LRRC17: variants seen among roughly 807,000 people sequenced by gnomAD.
LRRC17 encodes the protein leucine rich repeat containing 17.
A neutral mutation model predicts 41.5 loss-of-function variants in LRRC17; 33 were observed. The observed-to-expected ratio is 0.80, with a 90% CI of 0.60 to 1.06. The LOEUF (loss-of-function observed/expected upper bound fraction) is 1.06, where lower values mean the gene tolerates loss of function less well. Ranked by LOEUF, LRRC17 falls within the 50% of genes least tolerant of loss-of-function variation. The pLI is 0.00. For synonymous variants in LRRC17, 192 were observed against 197.0 expected (o/e 0.97, Z 0.21); for missense variants, 491 against 519.3 (o/e 0.95, Z 0.53).
At position 102,944,462 on chromosome 7, in the gene LRRC17, G is replaced by T. The variant is rs1478823142; in HGVS notation, c.1181G>T (p.Arg394Ile). Residue 394 changes from arginine to isoleucine, a missense_variant, in exon 4 of 4, where the codon AGA becomes ATA. Coordinates refer to ENST00000339431, the MANE Select transcript of LRRC17 (RefSeq NM_001031692.3). The stretch of plus-strand genomic sequence containing the variant: ...GGATGGTCTGTGGGAAAATATATTA[G>T]AAGTTACTATGAAGAATGCCCCAAA... ...YKGWSVGKYIRSYYEECPKDK... is the reference protein window; with the variant it reads ...YKGWSVGKYIISYYEECPKDK... 1 of 1,613,970 alleles carries T rather than the reference G, an allele frequency of 6.2e-7. No homozygotes were observed.
intron 1 of LRRC17, among the ~76,000 whole-genome samples, chr7:102,919,424 T>C (rs1383063611): frequency 1.3e-5 from 2 of 152,166 alleles, no homozygotes; most frequent in East Asian, 3.8e-4. Context: ...CATTGAAGCA[T>C]TAAGAATAAA....
At position 102,934,558 on chromosome 7, in the gene LRRC17, AG is replaced by A. The variant is rs869310099; in HGVS notation, c.646del (p.Glu216LysfsTer44). ...IKSEQLCNEE[E>X]KEQLDPKPQV... ...AATCTGAACAGTTGTGTAATGAAGA[AG>A]AAAAGGAACAATTGGACCCGAAACC... On this transcript the variant is annotated frameshift_variant, in exon 2 of 4. Coordinates refer to ENST00000339431, the MANE Select transcript of LRRC17 (RefSeq NM_001031692.3). LOFTEE classifies it high-confidence loss of function. 6.2e-7 allele frequency: 1 copy of A among 1,613,460 alleles called. No individual in the cohort carries two copies. Among genetic ancestry groups the A allele is most frequent in the Non-Finnish European group, 8.5e-7 (1 of 1,179,466 alleles).
Position 102,931,986 on chromosome 7 carries a change from A to G in LRRC17, c.-140-1788A>G, listed in dbSNP as rs55781834. 6 of 1,548,982 alleles carry G rather than the reference A, an allele frequency of 3.9e-6. No homozygotes were observed. In the South Asian group the frequency reaches 6.9e-5, roughly 18 times the overall value. ...AACTACATATTGCAAATGTTTAAACAAAGTTTTTCTATCTTACATTGAATG... is the reference window on the plus strand; with the variant it reads ...AACTACATATTGCAAATGTTTAAACGAAGTTTTTCTATCTTACATTGAATG... On this transcript the variant is annotated intron_variant, in intron 1 of 3. Coordinates refer to ENST00000339431, the MANE Select transcript of LRRC17 (RefSeq NM_001031692.3).
intron 1 of LRRC17, among the ~76,000 whole-genome samples, chr7:102,918,947 A>G (rs1436716800): frequency 6.6e-6 from 1 of 152,192 alleles, no homozygotes; most frequent in East Asian, 1.9e-4. Flanking sequence ...ATAGTACAGA[A>G]TGCCTAAAGA....
At chr7:102,939,368 C>A in intron 2 of LRRC17, 62 bp from the exon 3 acceptor site, 1 of 1,390,508 alleles carries the variant, frequency 7.2e-7, no homozygotes, top group Non-Finnish European at 1.0e-6. Context: ...ACAGATATAA[C>A]GGTGACCGAG....
At position 102,944,555 on chromosome 7, in the gene LRRC17, A is replaced by G. The variant is rs893506993; in HGVS notation, c.1274A>G (p.His425Arg). 6.2e-7 allele frequency: 1 copy of G among 1,613,338 alleles called. No homozygotes were observed. Among genetic ancestry groups the G allele is most frequent in the South Asian group, 1.1e-5 (1 of 90,830 alleles). The change falls in exon 4 of 4, where the codon CAT becomes CGT. Residue 425 changes from histidine (H) to arginine (R), a missense_variant. Coordinates refer to ENST00000339431, the MANE Select transcript of LRRC17 (RefSeq NM_001031692.3). ...DTEDDEWEKK[H>R]RDHTAKKQSV... is the part of the protein sequence containing the mutation. ...GAAGATGATGAATGGGAAAAAAAACATAGAGATCACACCGCAAAGAAGCAA... is the reference window on the plus strand; with the variant it reads ...GAAGATGATGAATGGGAAAAAAAACGTAGAGATCACACCGCAAAGAAGCAA...
Position 102,944,362 on chromosome 7 carries a change from C to A in LRRC17, c.1081C>A (p.Leu361Ile). The A allele has an allele frequency of 6.2e-7, 1 of 1,614,054 alleles. No homozygotes were observed. Among genetic ancestry groups the A allele is most frequent in the Non-Finnish European group, 8.5e-7 (1 of 1,179,954 alleles). ...GAGATGTGACTACAACATTCACTAC[C>A]TCTACTACTGGTTAAAGCACCACTA... ...PWRCDYNIHY[L>I]YYWLKHHYNV... Residue 361 changes from leucine to isoleucine, a missense_variant, in exon 4 of 4, where the codon CTC becomes ATC. Leu to Ile is a conservative substitution (Grantham distance 5). Coordinates refer to ENST00000339431, the MANE Select transcript of LRRC17 (RefSeq NM_001031692.3).
chr7:102,915,843 T>C (rs1319907695), intron 1 of LRRC17, among the ~76,000 whole-genome samples: 1 of 152,202 alleles, frequency 6.6e-6, no homozygotes, highest in African/African-American at 2.4e-5. Flanking sequence ...CAGTGATATT[T>C]TGAAATACTT....
chr7:102,924,040 G>C (rs1457406116), intron 1 of LRRC17, among the ~76,000 whole-genome samples: 2 of 151,936 alleles, frequency 1.3e-5, no homozygotes, highest in African/African-American at 4.8e-5. Flanking sequence ...AGGAGTTTGA[G>C]GCCAGCCCGA....
At chr7:102,917,087 T>C (rs1047074288) in intron 1 of LRRC17, among the ~76,000 whole-genome samples, 1 of 152,124 alleles carries the variant, frequency 6.6e-6, no homozygotes, top group Non-Finnish European at 1.5e-5. Context: ...TTCTTTTGAG[T>C]TGAGTGTTGG....
chr7:102,928,905 T>A (rs1420923899), intron 1 of LRRC17, among the ~76,000 whole-genome samples: 1 of 152,194 alleles, frequency 6.6e-6, no homozygotes, highest in Non-Finnish European at 1.5e-5. Flanking sequence ...CAGAACATTT[T>A]TTTCTCTGAT....
At chr7:102,922,078 T>C (rs1262660783) in intron 1 of LRRC17, among the ~76,000 whole-genome samples, 3 of 151,932 alleles carry the variant, frequency 2.0e-5, no homozygotes, top group Non-Finnish European at 4.4e-5. Flanking sequence ...TAATCCTAGT[T>C]ACTCAGGAGG....
chr7:102,936,924 C>CT lies in LRRC17; in HGVS notation c.772+2245dup, dbSNP rs1820432112. 1.3e-5 allele frequency among the ~76,000 whole-genome samples: 2 copies of CT among 151,836 alleles called. 1 individual carries two copies. The highest frequency in any genetic ancestry group is 4.1e-4 in the South Asian group (2 of 4,824). Reference sequence around the variant, plus strand: ...CTATTTCTGCTTTTGTGTTTTTTTCCTTTTTTCCCATATTTTTCTCTTGAA... The same window carrying CT: ...CTATTTCTGCTTTTGTGTTTTTTTCCTTTTTTTCCCATATTTTTCTCTTGAA... On this transcript the variant is annotated intron_variant, in intron 2 of 3. Transcript: ENST00000339431.
At chr7:102,925,147 A>C (rs1338815550) in intron 1 of LRRC17, among the ~76,000 whole-genome samples, 2 of 152,246 alleles carry the variant, frequency 1.3e-5, no homozygotes, top group Non-Finnish European at 2.9e-5. Flanking sequence ...TCATGCCAGC[A>C]CTTTGGGAGG....
At chr7:102,914,794 C>T (rs928822113) in intron 1 of LRRC17, among the ~76,000 whole-genome samples, 3 of 152,186 alleles carry the variant, frequency 2.0e-5, no homozygotes, top group Non-Finnish European at 2.9e-5. Flanking sequence ...CCCAAAGACA[C>T]GCCCCCTCTC....
At chr7:102,939,800 A>G (rs1821045241) in intron 3 of LRRC17, among the ~76,000 whole-genome samples, 1 of 152,222 alleles carries the variant, frequency 6.6e-6, no homozygotes, top group African/African-American at 2.4e-5. Flanking sequence ...AATACCACAT[A>G]TTACTACCAT....
At chr7:102,925,300 C>T (rs915355989) in intron 1 of LRRC17, among the ~76,000 whole-genome samples, 25 of 152,052 alleles carry the variant, frequency 1.6e-4, no homozygotes, top group African/African-American at 4.8e-4. Flanking sequence ...GAGGCTGAGG[C>T]GGGAGGATTG....
In LRRC17 at chr7:102,934,414, T is replaced by C. The variant is rs138612514; in HGVS notation, c.501T>C (p.Cys167=). 2,458 of 1,614,226 alleles carry C rather than the reference T, an allele frequency of 1.5e-3. 45 individuals are homozygous for C. The Admixed American group carries it at 0.034, about 23-fold the overall frequency. ...YLRLYDNPWH[C]TCEIETLISM... ...GTCTTTATGACAACCCCTGGCACTGTACTTGTGAGATAGAAACGCTTATTT... is the reference window on the plus strand; with the variant it reads ...GTCTTTATGACAACCCCTGGCACTGCACTTGTGAGATAGAAACGCTTATTT... The change falls in exon 2 of 4, where the codon TGT becomes TGC. Residue 167 remains cysteine (C), a synonymous_variant. Transcript: ENST00000339431.
chr7:102,935,644 G>T (rs1213776544), intron 2 of LRRC17, among the ~76,000 whole-genome samples: 3 of 152,156 alleles, frequency 2.0e-5, no homozygotes. Flanking sequence ...GGAGATTTTA[G>T]TAATGCTCTT....
Sources: gnomAD v4.1 joint callset for allele counts (sites outside exome capture counted in the v4.1 genomes callset) on GRCh38, gnomAD v4.1.1 for gene constraint, MANE v1.5 for transcripts, NCBI Gene and HGNC (gene_info 2026-07-23, HGNC 2026-07-21) for gene names.